NTM: variants seen among roughly 807,000 people sequenced by gnomAD.
NTM encodes neurotrimin.
NTM carries 13 observed loss-of-function variants against 42.1 expected under a neutral mutation model. The observed-to-expected ratio is 0.31, with a 90% CI of 0.20 to 0.49. The LOEUF is 0.49. Ranked by LOEUF, NTM falls within the 20% of genes least tolerant of loss-of-function variation. The pLI, the probability that NTM is intolerant of heterozygous loss-of-function variation, is 0.99. For missense variants in NTM, 373 were observed against 452.8 expected (o/e 0.82, Z 1.60); for synonymous variants, 187 against 179.2 (o/e 1.04, Z -0.35).
intron 4 of NTM, among the ~76,000 whole-genome samples, chr11:132,263,223 G>A (rs182079083): frequency 1.3e-5 from 2 of 152,210 alleles, no homozygotes; most frequent in South Asian, 2.1e-4. Context: ...GTTCAAGGGG[G>A]CCATCTGGCC....
intron 1 of NTM, among the ~76,000 whole-genome samples, chr11:131,657,517 A>G (rs1176459923): frequency 3.9e-5 from 6 of 152,110 alleles, no homozygotes; most frequent in Non-Finnish European, 5.9e-5. Context: ...TTTCCTTTGT[A>G]TTGTTATTAG....
In NTM at chr11:132,307,556, A is replaced by C. The variant is rs1168997626; in HGVS notation, c.527-133A>C. On this transcript the variant is annotated intron_variant, in intron 4 of 8. Transcript: ENST00000683400. Reference sequence around the variant, plus strand: ...GAGACGGAGGAGGGATAACCCACACAGTTCCTCAGAATCTGAACTTACAAC... The same window carrying C: ...GAGACGGAGGAGGGATAACCCACACCGTTCCTCAGAATCTGAACTTACAAC... 23 of 1,245,928 alleles carry C rather than the reference A, an allele frequency of 1.8e-5. No individual in the cohort carries two copies. The East Asian group carries it at 5.4e-4, about 29-fold the overall frequency. 77.2% of individuals were successfully genotyped at this position (1,245,928 alleles called of 1,614,324 possible). A position where few individuals can be genotyped will look rare whatever the true frequency, so the allele number is the denominator to read the frequency against.
At chr11:131,869,098 C>T (rs1323363359) in intron 1 of NTM, among the ~76,000 whole-genome samples, 1 of 98,092 alleles carries the variant, frequency 1.0e-5, no homozygotes, top group Non-Finnish European at 2.5e-5. Context: ...ACCCCCCAGC[C>T]CCCCGCAATG....
chr11:132,027,078 G>T (rs985909250), intron 2 of NTM, among the ~76,000 whole-genome samples: 1 of 152,176 alleles, frequency 6.6e-6, no homozygotes, highest in Non-Finnish European at 1.5e-5. Flanking sequence ...TTAGTACAAG[G>T]CTTGAAAAAC....
intron 1 of NTM, among the ~76,000 whole-genome samples, chr11:131,584,694 A>G (rs2058702829): frequency 6.6e-6 from 1 of 152,252 alleles, no homozygotes; most frequent in Non-Finnish European, 1.5e-5. Context: ...TGCCCAAGAT[A>G]TCTGCAATTT....
intron 4 of NTM, among the ~76,000 whole-genome samples, chr11:132,223,667 C>T (rs889756503): frequency 2.0e-5 from 3 of 152,206 alleles, no homozygotes; most frequent in Non-Finnish European, 4.4e-5. Context: ...TCAAATCATA[C>T]ACATTCAATA....
chr11:131,820,544 T>A (rs1238433130), intron 1 of NTM, among the ~76,000 whole-genome samples: 1 of 152,204 alleles, frequency 6.6e-6, no homozygotes, highest in East Asian at 1.9e-4. Context: ...CTAGATTAAT[T>A]TTTTTAAATG....
rs115977469 is a variant in NTM at position 131,968,297 on chromosome 11, G to A, written c.167+56649G>A. Among the ~76,000 whole-genome samples, 754 of 152,216 alleles carry A rather than the reference G, an allele frequency of 5.0e-3. 8 individuals are homozygous for A. Among genetic ancestry groups the A allele is most frequent in the African/African-American group, 0.017 (712 of 41,524 alleles). On this transcript the variant is annotated intron_variant, in intron 2 of 8. Transcript: ENST00000683400. The stretch of plus-strand genomic sequence containing the variant: ...TGTGAGCGGAGGTCTGCTTCTCCAC[G>A]GTGTTTGCTCTCTGGAGACAGAGGG...
At chr11:132,244,635 A>G (rs1409277370) in intron 4 of NTM, among the ~76,000 whole-genome samples, 1 of 152,132 alleles carries the variant, frequency 6.6e-6, no homozygotes, top group East Asian at 1.9e-4. Flanking sequence ...CAACCTTGCT[A>G]TTCTAATAGG....
intron 1 of NTM, among the ~76,000 whole-genome samples, chr11:131,451,128 A>T (rs945232270): frequency 6.6e-6 from 1 of 152,214 alleles, no homozygotes; most frequent in African/African-American, 2.4e-5. Flanking sequence ...AGAATTAGAA[A>T]AAAAAAGGTA....
intron 1 of NTM, among the ~76,000 whole-genome samples, chr11:131,773,526 C>A (rs2086480130): frequency 2.6e-5 from 4 of 152,106 alleles, no homozygotes; most frequent in Admixed American, 2.0e-4. Flanking sequence ...CATTAATGGC[C>A]CCCATATATG....
In NTM at chr11:131,595,733, C is replaced by T. The variant is rs762078521; in HGVS notation, c.82+224845C>T. Among the ~76,000 whole-genome samples the T allele has an allele frequency of 8.5e-5, 13 of 152,176 alleles. No individual in the cohort carries two copies. In the East Asian group the frequency reaches 2.5e-3, roughly 29 times the overall value. On this transcript the variant is annotated intron_variant, in intron 1 of 8. Transcript: ENST00000683400. ...GAAGGCATATCAAGCTTCTGTGCCTCCTATTGGGAACTACTGAGGACTTTG... is the reference window on the plus strand; with the variant it reads ...GAAGGCATATCAAGCTTCTGTGCCTTCTATTGGGAACTACTGAGGACTTTG...
rs1306806915 is a variant in NTM at position 131,789,553 on chromosome 11, G to GA, written c.83-122009dup. On this transcript the variant is annotated intron_variant, in intron 1 of 8. Transcript: ENST00000683400. The stretch of plus-strand genomic sequence containing the variant: ...AAGAAGAAGAAGAAGAAGAAAAGAA[G>GA]AAGAAGAAGAAGAAGAAGAAGAAGA... Among the ~76,000 whole-genome samples, 6 of 10,488 alleles carry GA rather than the reference G, an allele frequency of 5.7e-4. 2 individuals carry two copies. The highest frequency in any genetic ancestry group is 5.3e-3 in the East Asian group (2 of 376). The allele number at this position is 10,488 out of a possible 152,430, so 6.9% of individuals were successfully genotyped here. A position where few individuals can be genotyped will look rare whatever the true frequency, so the allele number is the denominator to read the frequency against.
chr11:131,689,801 C>T (rs916554529), intron 1 of NTM, among the ~76,000 whole-genome samples: 12 of 152,180 alleles, frequency 7.9e-5, no homozygotes, highest in Non-Finnish European at 1.8e-4. Context: ...TGGCAGCTGG[C>T]ACCCCAGGCC....
intron 3 of NTM, among the ~76,000 whole-genome samples, chr11:132,175,259 A>C (rs1566380949): frequency 6.6e-6 from 1 of 152,076 alleles, no homozygotes; most frequent in African/African-American, 2.4e-5. Flanking sequence ...TCAGTTCTGC[A>C]GTGGTCGTCC....
At chr11:132,125,810 T>C (rs1040964303) in intron 2 of NTM, among the ~76,000 whole-genome samples, 1 of 150,734 alleles carries the variant, frequency 6.6e-6, no homozygotes, top group Admixed American at 6.6e-5. Context: ...CTGTGTGTGC[T>C]GTGTGGTATG....
At chr11:132,114,353 C>T (rs1227093658) in intron 2 of NTM, among the ~76,000 whole-genome samples, 3 of 152,162 alleles carry the variant, frequency 2.0e-5, no homozygotes, top group Non-Finnish European at 4.4e-5. Flanking sequence ...CCAGTGTCCT[C>T]CTCCTTAAAT....
At chr11:132,151,363 T>C (rs1447036503) in intron 3 of NTM, among the ~76,000 whole-genome samples, 2 of 152,188 alleles carry the variant, frequency 1.3e-5, no homozygotes, top group African/African-American at 2.4e-5. Flanking sequence ...AAGTGTGCCA[T>C]GGTTGTGTGC....
chr11:132,167,621 G>A (rs1235550763), intron 3 of NTM, among the ~76,000 whole-genome samples: 1 of 152,182 alleles, frequency 6.6e-6, no homozygotes, highest in African/African-American at 2.4e-5. Flanking sequence ...ATTGGCTTCA[G>A]TTGTCTGTAC....
Sources: gnomAD v4.1 joint callset for allele counts (sites outside exome capture counted in the v4.1 genomes callset) on GRCh38, gnomAD v4.1.1 for gene constraint, MANE v1.5 for transcripts, NCBI Gene and HGNC (gene_info 2026-07-23, HGNC 2026-07-21) for gene names.